The following GANAB variants were observed in gnomAD, a reference collection of about 807,000 sequenced individuals.
GANAB encodes the protein neutral alpha-glucosidase AB.
A neutral mutation model predicts 129.9 loss-of-function variants in GANAB; 35 were observed. That is an observed-to-expected ratio of 0.27 (90% confidence interval 0.21 to 0.36). GANAB has a LOEUF of 0.36. Among genes scored for constraint, GANAB ranks in the 10% least tolerant of loss-of-function variants. The pLI, the probability that GANAB is intolerant of heterozygous loss-of-function variation, is 1.00. For missense variants in GANAB, 939 were observed against 1,221.0 expected (o/e 0.77, Z 3.44); for synonymous variants, 482 against 451.8 (o/e 1.07, Z -0.85).
chr11:62,642,846 T>C (rs1431420951), intron 1 of GANAB, among the ~76,000 whole-genome samples: 2 of 152,278 alleles, frequency 1.3e-5, no homozygotes, highest in African/African-American at 4.8e-5. Context: ...TTGGTGAATA[T>C]AGGGTTGGGG....
intron 1 of GANAB, among the ~76,000 whole-genome samples, chr11:62,644,329 G>A (rs959763198): frequency 5.9e-5 from 9 of 152,132 alleles, no homozygotes; most frequent in Middle Eastern, 3.2e-3. Flanking sequence ...CAAACTGGGG[G>A]TGGGAGGGTT....
chr11:62,632,963 TC>T, intron 8 of GANAB, 41 bp downstream of exon 8: 7 of 1,250,560 alleles, frequency 5.6e-6, no homozygotes, highest in Non-Finnish European at 8.2e-6. Flanking sequence ...CCTGACTCCT[TC>T]CTGCCCACCT....
rs1267023080 is a variant in GANAB, at chr11:62,626,849, G to A, written c.2397+11C>T. 6.3e-7 allele frequency: 1 copy of A among 1,597,160 alleles called. No homozygotes were observed. Among genetic ancestry groups the A allele is most frequent in the Admixed American group, 1.7e-5 (1 of 59,572 alleles). On this transcript the variant is annotated intron_variant, in intron 20 of 23. Coordinates refer to ENST00000356638, the MANE Select transcript of GANAB (RefSeq NM_198334.3). ...GGAGATGGAACCGGCAGCCAGACCA[G>A]GCTTACTCACACTGCTTAGAGTTAC... is the stretch of plus-strand genomic sequence containing the variant.
Position 62,629,910 on chromosome 11 carries a change from A to G in GANAB, c.1641T>C (p.Ser547=), listed in dbSNP as rs1463255102. ...TGGTGACCTCAGGACCATTGAACAC[A>G]GATGGTTCGTTCATGTCATTCCAGA... is the stretch of plus-strand genomic sequence containing the variant. ...LFVWNDMNEP[S]VFNGPEVTML... is the part of the protein sequence containing the mutation. The change falls in exon 14 of 24, where the codon TCT becomes TCC. Residue 547 remains serine, a synonymous_variant. Transcript: ENST00000356638. 6.2e-7 allele frequency: 1 copy of G among 1,613,990 alleles called. No individual in the cohort carries two copies. Among genetic ancestry groups the G allele is most frequent in the East Asian group, 2.2e-5 (1 of 44,886 alleles).
At chr11:62,631,320 G>A in intron 9 of GANAB, 137 bp from the exon 10 acceptor site, 1 of 694,922 alleles carries the variant, frequency 1.4e-6, no homozygotes, top group Non-Finnish European at 2.4e-6. Flanking sequence ...ACTAAACGGG[G>A]CCTCTTCAGT....
chr11:62,625,866 C>T lies in GANAB; in HGVS notation c.2784G>A (p.Leu928=). The change falls in exon 24 of 24, where the codon CTG becomes CTA. Residue 928 remains leucine (L), a synonymous_variant. Coordinates refer to ENST00000356638, the MANE Select transcript of GANAB (RefSeq NM_198334.3). ...QHDPETSVLV[L]RKPGINVASD... is the part of the protein sequence containing the mutation. The stretch of plus-strand genomic sequence containing the variant: ...ATGCCACATTGATGCCAGGCTTGCG[C>T]AGGACCAACACAGAGGTCTCAGGGT... 1 of 1,613,908 alleles carries T rather than the reference C, an allele frequency of 6.2e-7. No homozygotes were observed. Among genetic ancestry groups the T allele is most frequent in the Middle Eastern group, 1.7e-4 (1 of 6,040 alleles).
chr11:62,634,640 T>C (rs1017822107), intron 5 of GANAB, 181 bp downstream of exon 5: 10 of 618,206 alleles, frequency 1.6e-5, no homozygotes, highest in Non-Finnish European at 2.8e-5. Flanking sequence ...CCTCCTGGTC[T>C]GTACAGGAAA....
chr11:62,630,998 A>G, intron 10 of GANAB, 32 bp downstream of exon 10: 1 of 1,583,728 alleles, frequency 6.3e-7, no homozygotes, highest in Non-Finnish European at 8.6e-7. Flanking sequence ...ACAAGAAAAG[A>G]GCAGAAGAAT....
intron 23 of GANAB, 66 bp downstream of exon 23, chr11:62,625,999 G>A (rs1943354638): frequency 4.1e-6 from 6 of 1,467,944 alleles, no homozygotes; most frequent in Non-Finnish European, 5.7e-6. Flanking sequence ...TACAGGCAAG[G>A]GCATCCCTAA....
chr11:62,634,588 C>T (rs540269258), intron 5 of GANAB: 1 of 614,842 alleles, frequency 1.6e-6, no homozygotes, highest in East Asian at 2.7e-5. Context: ...AGGCAGGCCT[C>T]CCAGAGATGC....
At chr11:62,640,060 CCT>C (rs1944159969) in intron 1 of GANAB, 4 of 196,576 alleles carry the variant, frequency 2.0e-5, no homozygotes, top group Non-Finnish European at 4.1e-5. Context: ...ACGGTGAAAC[CCT>C]GTCTCTACTA....
intron 1 of GANAB, among the ~76,000 whole-genome samples, chr11:62,640,649 C>T (rs1565110078): frequency 2.0e-5 from 3 of 151,130 alleles, no homozygotes; most frequent in East Asian, 2.0e-4. Context: ...CTGGCTAACA[C>T]GGTGAAACTC....
rs1944497790 is a variant in GANAB, at chr11:62,646,586, G to A, written c.14C>T (p.Ala5Val). MAAV[A>V]AVAARRRRSW... is the part of the protein sequence containing the mutation. ...CCGCCTCCTACGCGCCGCCACTGCC[G>A]CTACCGCCGCCATCTTGTGCAGAGT... Residue 5 changes from alanine (A) to valine (V), a missense_variant, in exon 1 of 24, where the codon GCG (alanine) becomes GTG (valine). By Grantham distance (64) the Ala-to-Val change is moderately conservative (BLOSUM62 0). This residue lies in a region of GANAB where 321 missense variants were observed against 329.1 expected (regional missense o/e 0.98). Transcript: ENST00000356638. 6 of 1,613,744 alleles carry A rather than the reference G, an allele frequency of 3.7e-6. No homozygotes were observed. Among genetic ancestry groups the A allele is most frequent in the Non-Finnish European group, 5.1e-6 (6 of 1,179,948 alleles).
rs1944117274 is a variant in GANAB at position 62,639,415 on chromosome 11, A to T, written c.196T>A (p.Ser66Thr). 1 of 1,613,452 alleles carries T rather than the reference A, an allele frequency of 6.2e-7. No individual in the cohort carries two copies. The highest frequency in any genetic ancestry group is 1.7e-5 in the Admixed American group (1 of 59,946). Reference sequence around the variant, plus strand: ...AGGGAATCAGGACCAAGCTGTAGAGAGTCCAGCAAGGCTCGGTATGGAGAG... The same window carrying T: ...AGGGAATCAGGACCAAGCTGTAGAGTGTCCAGCAAGGCTCGGTATGGAGAG... ...GLSPYRALLD[S>T]LQLGPDSLTV... Residue 66 changes from serine to threonine, a missense_variant, in exon 3 of 24, where the codon TCT becomes ACT. Coordinates refer to ENST00000356638, the MANE Select transcript of GANAB (RefSeq NM_198334.3).
chr11:62,626,747 G>A (rs1179066842), intron 20 of GANAB, 63 bp from the exon 21 acceptor site: 18 of 1,346,124 alleles, frequency 1.3e-5, no homozygotes, highest in Non-Finnish European at 1.8e-5. Flanking sequence ...CCCACAGCAT[G>A]TTTTGCTTAC....
chr11:62,633,133 C>A (rs540707578), intron 7 of GANAB, 32 bp from the exon 8 acceptor site: 2 of 1,601,690 alleles, frequency 1.2e-6, no homozygotes, highest in South Asian at 1.1e-5. Flanking sequence ...TTCAGAGCTT[C>A]TGCTTGGAAA....
chr11:62,640,235 A>AAAAAAAAAAAAAAAC (rs1944174670), intron 1 of GANAB, among the ~76,000 whole-genome samples: 1 of 52,016 alleles, frequency 1.9e-5, no homozygotes, highest in Non-Finnish European at 5.4e-5. Context: ...AGACAAAAAA[A>AAAAAAAAAAAAAAAC]AAAAAAAAAA....
Position 62,634,911 on chromosome 11 carries a change from C to A in GANAB, c.470G>T (p.Arg157Leu). The A allele has an allele frequency of 6.2e-7, 1 of 1,613,608 alleles. No individual in the cohort carries two copies. Among genetic ancestry groups the A allele is most frequent in the Non-Finnish European group, 8.5e-7 (1 of 1,179,550 alleles). The change falls in exon 5 of 24, where the codon CGC becomes CTC. Residue 157 changes from arginine (R) to leucine (L), a missense_variant. Arg to Leu is a moderately radical substitution (Grantham distance 102). Around this residue, in one of 5 missense-constraint regions of GANAB, gnomAD observed 321 missense variants for 329.1 expected, o/e 0.98. Transcript: ENST00000356638. The stretch of plus-strand genomic sequence containing the variant: ...ACTTCGGTCCTCTAGTAGGTCAAGG[C>A]GGAATGGCCGTGCTGTCAAGATGAT... Reference protein sequence around the residue: ...YKIILTARPFRLDLLEDRSLL... With the variant: ...YKIILTARPFLLDLLEDRSLL...
chr11:62,633,772 T>C (rs1943805006), intron 5 of GANAB: 4 of 553,154 alleles, frequency 7.2e-6, no homozygotes, highest in Non-Finnish European at 1.3e-5. Context: ...TCTGTCAACA[T>C]CCCAGAAGAG....
Sources: allele counts gnomAD v4.1 joint callset (sites outside exome capture counted in the v4.1 genomes callset), GRCh38; gene constraint gnomAD v4.1.1; regional missense constraint gnomAD v4.1.1; transcripts MANE v1.5; gene names NCBI Gene and HGNC (gene_info 2026-07-23, HGNC 2026-07-21).